Variants in DLC1 observed in about 807,000 individuals in gnomAD.
The protein encoded by DLC1 is rho GTPase-activating protein 7.
Under a neutral mutation model 140.3 loss-of-function variants are expected in DLC1, and 54 were observed. That is an observed-to-expected ratio of 0.38 (90% confidence interval 0.31 to 0.48). The LOEUF is 0.48. Ranked by LOEUF, DLC1 falls within the 20% of genes least tolerant of loss-of-function variation. DLC1 has a pLI of 0.96. For synonymous variants in DLC1, 986 were observed against 728.1 expected, an observed-to-expected ratio of 1.35 and a Z score of -5.70; for missense variants, 2,536 against 1,907.0, an observed-to-expected ratio of 1.33 and a Z score of -6.14.
intron 5 of DLC1, among the ~76,000 whole-genome samples, chr8:13,197,431 C>G (rs1438009418): frequency 2.0e-5 from 3 of 151,972 alleles, no homozygotes; most frequent in African/African-American, 7.3e-5. Context: ...TCACTGCAAA[C>G]TCCACCTCCC....
At chr8:13,302,749 AT>A (rs1832252333) in intron 5 of DLC1, among the ~76,000 whole-genome samples, 1 of 151,136 alleles carries the variant, frequency 6.6e-6, no homozygotes, top group African/African-American at 2.4e-5. Flanking sequence ...AGGGGCGGGT[AT>A]GAAGCTTAAT....
chr8:13,100,164 T>C lies in DLC1; in HGVS notation c.2173A>G (p.Asn725Asp). 2 of 1,614,070 alleles carry C rather than the reference T, an allele frequency of 1.2e-6. No individual in the cohort carries two copies. Among genetic ancestry groups the C allele is most frequent in the Non-Finnish European group, 1.7e-6 (2 of 1,180,010 alleles). The stretch of plus-strand genomic sequence containing the variant: ...CTCCTCTTTCGTACCATGGGGACGT[T>C]GATGCGGTTGCCATTGAGGGCGGAG... ...EISALNGNRI[N>D]VPMVRKRSVS... is the part of the protein sequence containing the mutation. The change falls in exon 9 of 18, where the codon AAC (asparagine) becomes GAC (aspartate). Residue 725 changes from asparagine (N) to aspartate (D), a missense_variant. Physicochemically the swap from Asn to Asp is conservative, Grantham distance 23. Transcript: ENST00000276297.
chr8:13,225,208 A>T (rs1245098828), intron 5 of DLC1, among the ~76,000 whole-genome samples: 2 of 152,268 alleles, frequency 1.3e-5, no homozygotes, highest in African/African-American at 4.8e-5. Flanking sequence ...TTCTTTTTAA[A>T]AGTGATTCTT....
At chr8:13,267,323 T>C (rs1236141323) in intron 5 of DLC1, among the ~76,000 whole-genome samples, 14 of 152,156 alleles carry the variant, frequency 9.2e-5, no homozygotes, top group Non-Finnish European at 1.5e-4. Flanking sequence ...GTTTAGCTTT[T>C]TTTTTTTTCT....
In DLC1 at chr8:13,204,713, T is replaced by A. The variant is rs1585905942; in HGVS notation, c.1349-89056A>T. 2.0e-5 allele frequency among the ~76,000 whole-genome samples: 3 copies of A among 152,188 alleles called. No homozygotes were observed. The East Asian group carries it at 5.8e-4, about 29-fold the overall frequency. ...ATTTTAATGATCTGAAAACATAACA[T>A]CTTTTTAAATAGGCACTAGGTATTT... On this transcript the variant is annotated intron_variant, in intron 5 of 17. Coordinates refer to ENST00000276297, the MANE Select transcript of DLC1 (RefSeq NM_182643.3).
intron 4 of DLC1, among the ~76,000 whole-genome samples, chr8:13,383,809 A>T (rs943142719): frequency 2.0e-5 from 3 of 152,212 alleles, no homozygotes; most frequent in African/African-American, 4.8e-5. Context: ...CCAATATTTC[A>T]GCCACACGAA....
intron 1 of DLC1, among the ~76,000 whole-genome samples, chr8:13,591,866 C>G (rs1252677151): frequency 6.6e-6 from 1 of 152,024 alleles, no homozygotes; most frequent in Non-Finnish European, 1.5e-5. Context: ...GGAAATTAAA[C>G]AAAGATTAGA....
At chr8:13,289,674 A>C (rs982762907) in intron 5 of DLC1, among the ~76,000 whole-genome samples, 2 of 152,234 alleles carry the variant, frequency 1.3e-5, no homozygotes, top group Non-Finnish European at 2.9e-5. Flanking sequence ...CTGCTAGGCT[A>C]TTCCAAGATG....
At chr8:13,503,131 A>C (rs546711920) in intron 1 of DLC1, among the ~76,000 whole-genome samples, 11 of 152,328 alleles carry the variant, frequency 7.2e-5, no homozygotes, top group African/African-American at 2.4e-4. Context: ...ATTACTGGGC[A>C]TGATGGCTCA....
At chr8:13,574,779 A>G (rs1410945203) in intron 1 of DLC1, among the ~76,000 whole-genome samples, 1 of 152,182 alleles carries the variant, frequency 6.6e-6, no homozygotes, top group Non-Finnish European at 1.5e-5. Context: ...AGTCAGCTCA[A>G]TCCTGAACAT....
chr8:13,149,849 G>C (rs13270376), intron 5 of DLC1, among the ~76,000 whole-genome samples: 51,432 of 152,134 alleles, frequency 0.34, 9,939 homozygotes, highest in East Asian at 0.54. Context: ...GGGGCGTCAG[G>C]CCTCTTGTTT....
At chr8:13,433,680 A>G (rs1340965622) in intron 2 of DLC1, among the ~76,000 whole-genome samples, 1 of 152,198 alleles carries the variant, frequency 6.6e-6, no homozygotes, top group Non-Finnish European at 1.5e-5. Context: ...GTACAATGTC[A>G]GGTGTTTTTG....
At chr8:13,193,345 A>T (rs575393260) in intron 5 of DLC1, among the ~76,000 whole-genome samples, 1 of 152,058 alleles carries the variant, frequency 6.6e-6, no homozygotes, top group East Asian at 1.9e-4. Context: ...TCGCTTTTTG[A>T]GTTAGGGGAG....
chr8:13,482,987 C>T (rs1800804855), intron 2 of DLC1, among the ~76,000 whole-genome samples: 1 of 152,178 alleles, frequency 6.6e-6, no homozygotes, highest in Non-Finnish European at 1.5e-5. Context: ...TCTAAAACAA[C>T]AGGAATTTTT....
rs145427418 is a variant in DLC1, at chr8:13,328,541, G to T, written c.1315-23239C>A. ...CATCACAGGAGCTGAATTTGTTTTT[G>T]GAGAAGCTCAACTAGAGAGAGTTGT... On this transcript the variant is annotated intron_variant, in intron 4 of 17. Transcript: ENST00000276297. Among the ~76,000 whole-genome samples, 46 of 152,276 alleles carry T rather than the reference G, an allele frequency of 3.0e-4. No homozygotes were observed. In the East Asian group the frequency reaches 7.7e-3, roughly 26 times the overall value.
intron 5 of DLC1, among the ~76,000 whole-genome samples, chr8:13,234,213 G>A (rs1829181467): frequency 6.6e-6 from 1 of 152,042 alleles, no homozygotes; most frequent in East Asian, 1.9e-4. Flanking sequence ...GGAATGCATT[G>A]CATTCTCAAA....
chr8:13,581,934 A>C (rs1805114474), intron 1 of DLC1, among the ~76,000 whole-genome samples: 1 of 152,188 alleles, frequency 6.6e-6, no homozygotes, highest in Non-Finnish European at 1.5e-5. Flanking sequence ...AAAAAATTTA[A>C]TGCATTTAAA....
In DLC1 at chr8:13,467,767, C is replaced by G. The variant is rs147679085; in HGVS notation, c.1023+31282G>C. On this transcript the variant is annotated intron_variant, in intron 2 of 17. Transcript: ENST00000276297. ...TCAATCAATAGATGTCAACTTTTTC[C>G]AAATACTTTTTCTGCATCTCTTCAT... Among the ~76,000 whole-genome samples the G allele has an allele frequency of 3.3e-5, 5 of 152,238 alleles. No homozygotes were observed. In the East Asian group the frequency reaches 7.7e-4, roughly 24 times the overall value.
chr8:13,366,198 C>T (rs916937424), intron 4 of DLC1, among the ~76,000 whole-genome samples: 1 of 152,206 alleles, frequency 6.6e-6, no homozygotes, highest in Admixed American at 6.5e-5. Context: ...GAGCCCAGGG[C>T]TGAAGGGGCA....
Sources: gnomAD v4.1 joint callset for allele counts (sites outside exome capture counted in the v4.1 genomes callset) on GRCh38, gnomAD v4.1.1 for gene constraint, MANE v1.5 for transcripts, NCBI Gene and HGNC (gene_info 2026-07-23, HGNC 2026-07-21) for gene names.